VANGL2: variants seen among roughly 807,000 people sequenced by gnomAD.
VANGL2 encodes vang-like protein 2.
VANGL2 carries 14 observed loss-of-function variants against 50.2 expected under a neutral mutation model. The observed-to-expected ratio is 0.28, with a 90% confidence interval of 0.18 to 0.44. The LOEUF is 0.44. VANGL2 is among the 20% of genes least tolerant of loss of function. The probability of loss-of-function intolerance (pLI) is 1.00; values close to 1 mark genes in which losing one functional copy is unlikely to be tolerated. For synonymous variants in VANGL2, 295 were observed against 297.2 expected (o/e 0.99, Z 0.08); for missense variants, 533 against 701.5 (o/e 0.76, Z 2.71).
chr1:160,420,350 C>CT (rs1651222716), intron 4 of VANGL2, 61 bp from the exon 5 acceptor site: 6 of 1,610,084 alleles, frequency 3.7e-6, no homozygotes, highest in Non-Finnish European at 5.1e-6. Flanking sequence ...TAATGTGTCC[C>CT]TTTCCCCTGT....
At position 160,421,062 on chromosome 1, in the gene VANGL2, C is replaced by T. The variant is rs749422707; in HGVS notation, c.948C>T (p.Thr316=). Residue 316 remains threonine (T), a synonymous_variant, in exon 6 of 8, where the codon ACC becomes ACT. Transcript: ENST00000368061. ...CCTGTTCCTGTGCAGAAAACAGCAC[C>T]AACAACTCCACTGGCCAGTCTCGGG... ...KVYSLGEENS[T]NNSTGQSRAV... The T allele has an allele frequency of 6.2e-7, 1 of 1,614,126 alleles. No individual in the cohort carries two copies. The highest frequency in any genetic ancestry group is 8.5e-7 in the Non-Finnish European group (1 of 1,180,038).
Position 160,425,561 on chromosome 1 carries a change from G to T in VANGL2, c.*183G>T. On this transcript the variant is annotated 3_prime_UTR_variant, in exon 8 of 8. Coordinates refer to ENST00000368061, the MANE Select transcript of VANGL2 (RefSeq NM_020335.3). ...TCCTTATTTTACCCCATGTGAACCT[G>T]GAGAGACCATCCTGCTGTCAACAGT... The T allele has an allele frequency of 1.5e-6, 1 of 648,678 alleles. No individual in the cohort carries two copies. Among genetic ancestry groups the T allele is most frequent in the South Asian group, 2.1e-5 (1 of 48,634 alleles). 40.2% of individuals were successfully genotyped at this position (648,678 alleles called of 1,614,324 possible). A position where few individuals can be genotyped will look rare whatever the true frequency, so the allele number is the denominator to read the frequency against.
rs141866318 is a variant in VANGL2 at position 160,419,902 on chromosome 1, G to T, written c.800+293G>T. On this transcript the variant is annotated intron_variant, in intron 4 of 7. Transcript: ENST00000368061. The surrounding 1 kb of genome is among the most constrained non-coding windows in gnomAD (Gnocchi z 5.8). ...GGGATGGACCAAAGGGAAGAAATAT[G>T]GGGGGGTGCACAAACAGGGGCTTTT... Among the ~76,000 whole-genome samples the T allele has an allele frequency of 2.0e-5, 3 of 149,544 alleles. No homozygotes were observed. The highest frequency in any genetic ancestry group is 3.0e-5 in the Non-Finnish European group (2 of 67,472).
rs116152559 is a variant in VANGL2 at position 160,415,655 on chromosome 1, G to A, written c.-183G>A. 2,386 of 686,208 alleles carry A rather than the reference G, an allele frequency of 3.5e-3. 11 individuals carry two copies. Among genetic ancestry groups the A allele is most frequent in the Non-Finnish European group, 4.3e-3 (1,719 of 404,462 alleles). 42.5% of individuals were successfully genotyped at this position (686,208 alleles called of 1,614,324 possible). On this transcript the variant is annotated 5_prime_UTR_variant, in exon 2 of 8. Transcript: ENST00000368061. ...GCTTCTTCCTCTCACCAGGAGCGTCGCTGGATTTTCTCTGAGACAAGCCCA... is the reference window on the plus strand; with the variant it reads ...GCTTCTTCCTCTCACCAGGAGCGTCACTGGATTTTCTCTGAGACAAGCCCA...
rs144604516 is a variant in VANGL2 at position 160,411,863 on chromosome 1, G to GGT, written c.-190-3768_-190-3767dup. ...TGTGTTTGAAGTGGTGGTTCTGGTT[G>GGT]GTGTGTGTGTGTGTGTGTATGTGTG... On this transcript the variant is annotated intron_variant, in intron 1 of 7. Coordinates refer to ENST00000368061, the MANE Select transcript of VANGL2 (RefSeq NM_020335.3). Among the ~76,000 whole-genome samples the GGT allele has an allele frequency of 3.4e-3, 512 of 150,364 alleles. 7 individuals are homozygous for GGT. The highest frequency in any genetic ancestry group is 0.01 in the African/African-American group (424 of 41,076).
chr1:160,420,582 C>G, intron 5 of VANGL2, 35 bp downstream of exon 5: 1 of 1,614,004 alleles, frequency 6.2e-7, no homozygotes, highest in East Asian at 2.2e-5. Flanking sequence ...TTCCCTGTCT[C>G]TTCCCAAGCA....
intron 6 of VANGL2, 56 bp from the exon 7 acceptor site, chr1:160,423,996 G>A: frequency 6.3e-7 from 1 of 1,589,190 alleles, no homozygotes; most frequent in South Asian, 1.1e-5. Context: ...AGGGGAGAGG[G>A]GTGGGGTGGG....
chr1:160,401,141 G>A (rs970221931), intron 1 of VANGL2, among the ~76,000 whole-genome samples: 2 of 152,104 alleles, frequency 1.3e-5, no homozygotes, highest in African/African-American at 4.8e-5. Flanking sequence ...GGCCTGGAGA[G>A]CCGGGGACTT....
chr1:160,425,697 C>T lies in VANGL2; in HGVS notation c.*319C>T, dbSNP rs1183256037. The stretch of plus-strand genomic sequence containing the variant: ...CTAGTCTTTTCCCAGATTACAGTCT[C>T]TCCTGAAAGGGCACAGGGCCCTGCT... On this transcript the variant is annotated 3_prime_UTR_variant, in exon 8 of 8. Transcript: ENST00000368061. 3.4e-6 allele frequency: 1 copy of T among 291,210 alleles called. No homozygotes were observed. Among genetic ancestry groups the T allele is most frequent in the East Asian group, 6.4e-5 (1 of 15,584 alleles). The allele number at this position is 291,210 out of a possible 1,614,324, so 18.0% of individuals were successfully genotyped here. A position where few individuals can be genotyped will look rare whatever the true frequency, so the allele number is the denominator to read the frequency against.
At chr1:160,410,041 C>T (rs1337310157) in intron 1 of VANGL2, among the ~76,000 whole-genome samples, 1 of 152,142 alleles carries the variant, frequency 6.6e-6, no homozygotes, top group Non-Finnish European at 1.5e-5. Context: ...CTTTAGTGGG[C>T]AGGGGCCCAC....
chr1:160,412,774 A>G (rs764017105), intron 1 of VANGL2, among the ~76,000 whole-genome samples: 5 of 152,198 alleles, frequency 3.3e-5, no homozygotes, highest in African/African-American at 4.8e-5. Context: ...CCCTACAGTC[A>G]TTATAGTTTC....
chr1:160,423,667 A>G (rs1323924659), intron 6 of VANGL2, among the ~76,000 whole-genome samples: 1 of 152,214 alleles, frequency 6.6e-6, no homozygotes, highest in Non-Finnish European at 1.5e-5. Context: ...CCATGCTGTC[A>G]TGGTTGAACA....
intron 1 of VANGL2, among the ~76,000 whole-genome samples, chr1:160,410,841 G>A (rs1048109334): frequency 6.6e-6 from 1 of 152,056 alleles, no homozygotes; most frequent in Admixed American, 6.6e-5. Flanking sequence ...CGCCAGAGGA[G>A]AAACCCCATT....
intron 3 of VANGL2, 54 bp downstream of exon 3, chr1:160,416,236 G>T: frequency 6.2e-7 from 1 of 1,612,624 alleles, no homozygotes; most frequent in Non-Finnish European, 8.5e-7. Flanking sequence ...CTGCTCCTGA[G>T]GGGCTGGAGG....
At chr1:160,416,300 G>A (rs755729199) in intron 3 of VANGL2, 118 bp downstream of exon 3, 20 of 1,548,956 alleles carry the variant, frequency 1.3e-5, no homozygotes, top group Admixed American at 5.1e-5. Context: ...CCATCAGATC[G>A]GGGAGTGTGT....
intron 6 of VANGL2, 55 bp from the exon 7 acceptor site, chr1:160,423,997 G>A: frequency 1.3e-6 from 2 of 1,594,164 alleles, no homozygotes; most frequent in South Asian, 1.1e-5. Flanking sequence ...GGGGAGAGGG[G>A]TGGGGTGGGG....
chr1:160,411,018 T>TC (rs1451257422), intron 1 of VANGL2, among the ~76,000 whole-genome samples: 1 of 150,634 alleles, frequency 6.6e-6, no homozygotes. Context: ...GCCCCCACAT[T>TC]CCCCCCTGCC....
chr1:160,421,112 G>A lies in VANGL2; in HGVS notation c.998G>A (p.Arg333Lys). 1 of 1,614,180 alleles carries A rather than the reference G, an allele frequency of 6.2e-7. No homozygotes were observed. Among genetic ancestry groups the A allele is most frequent in the Non-Finnish European group, 8.5e-7 (1 of 1,180,038 alleles). Reference sequence around the variant, plus strand: ...GCTGTGATTGCAGCGGCAGCTCGGAGGCGGGACAACAGTCACAATGAGTAC... The same window carrying A: ...GCTGTGATTGCAGCGGCAGCTCGGAAGCGGGACAACAGTCACAATGAGTAC... ...SRAVIAAAAR[R>K]RDNSHNEYYY... The change falls in exon 6 of 8, where the codon AGG becomes AAG. Residue 333 changes from arginine to lysine, a missense_variant. By Grantham distance (26) the Arg-to-Lys change is conservative (BLOSUM62 2). Transcript: ENST00000368061.
chr1:160,401,609 C>T (rs1369155601), intron 1 of VANGL2, among the ~76,000 whole-genome samples: 3 of 151,962 alleles, frequency 2.0e-5, no homozygotes, highest in Non-Finnish European at 4.4e-5. Flanking sequence ...CAGGTGGGCC[C>T]CTGGTTTGGA....
Sources: allele counts gnomAD v4.1 joint callset (sites outside exome capture counted in the v4.1 genomes callset), GRCh38; gene constraint gnomAD v4.1.1; non-coding constraint Gnocchi (gnomAD v3.1); transcripts MANE v1.5; gene names NCBI Gene and HGNC (gene_info 2026-07-23, HGNC 2026-07-21).